The following THBS4 variants were observed in gnomAD, a reference collection of about 807,000 sequenced individuals.
THBS4 encodes thrombospondin 4.
A neutral mutation model predicts 115.7 loss-of-function variants in THBS4; 90 were observed. The ratio of observed to expected loss-of-function variants is 0.78; its 90% CI spans 0.66 to 0.93. The LOEUF (loss-of-function observed/expected upper bound fraction) is 0.93. Ranked by LOEUF, THBS4 falls within the 40% of genes least tolerant of loss-of-function variation. The pLI, the probability that THBS4 is intolerant of heterozygous loss-of-function variation, is 0.00. For missense variants in THBS4, 1,087 were observed against 1,232.7 expected (o/e 0.88, Z 1.77); for synonymous variants, 460 against 479.3 (o/e 0.96, Z 0.53).
intron 14 of THBS4, 165 bp downstream of exon 14, chr5:80,072,561 T>G (rs1006283487): frequency 1.5e-6 from 1 of 671,756 alleles, no homozygotes; most frequent in African/African-American, 1.8e-5. Context: ...GATGGTGGGA[T>G]GAACACCACA....
In THBS4 at chr5:80,008,421, T is replaced by A. The variant is rs189010139; in HGVS notation, n.177+9994T>A. Among the ~76,000 whole-genome samples the A allele has an allele frequency of 5.8e-3, 878 of 152,276 alleles. 6 individuals are homozygous for A. Among genetic ancestry groups the A allele is most frequent in the African/African-American group, 0.02 (833 of 41,548 alleles). The stretch of plus-strand genomic sequence containing the variant: ...GGCTTCCCACATTATTGTTTTTTTT[T>A]AATTTTGTTTTGAGATGGAGTCTCA... On this transcript the variant is annotated intron_variant and non_coding_transcript_variant, in intron 2 of 3. Coordinates refer to the THBS4 transcript ENST00000510218.
chr5:80,050,375 G>T (rs1833216155), intron 2 of THBS4, among the ~76,000 whole-genome samples: 2 of 152,246 alleles, frequency 1.3e-5, no homozygotes, highest in South Asian at 4.1e-4. Context: ...GATTGGTCAG[G>T]CTGGAAATGA....
chr5:80,002,441 A>T (rs1218162850), intron 2 of THBS4, among the ~76,000 whole-genome samples: 1 of 152,126 alleles, frequency 6.6e-6, no homozygotes, highest in African/African-American at 2.4e-5. Flanking sequence ...TCCCAAAAAG[A>T]AACAGGAGAC....
chr5:79,992,272 CTT>C (rs1352001228), intron 1 of THBS4, among the ~76,000 whole-genome samples: 1 of 152,126 alleles, frequency 6.6e-6, no homozygotes, highest in Non-Finnish European at 1.5e-5. Flanking sequence ...GGTGCTGGGT[CTT>C]TTTTCTAGAA....
At chr5:80,069,068 C>G (rs146086629) in intron 10 of THBS4, among the ~76,000 whole-genome samples, 11 of 152,324 alleles carry the variant, frequency 7.2e-5, no homozygotes, top group African/African-American at 1.9e-4. Context: ...TCAGCTGCCC[C>G]CCTCCTCTGC....
chr5:80,018,763 A>G (rs1225828678), intron 2 of THBS4, among the ~76,000 whole-genome samples: 1 of 152,128 alleles, frequency 6.6e-6, no homozygotes, highest in Non-Finnish European at 1.5e-5. Context: ...TTTATTTCTT[A>G]AAGCATATTA....
At chr5:80,071,847 C>T in intron 13 of THBS4, 1 of 176,260 alleles carries the variant, frequency 5.7e-6, no homozygotes, top group Admixed American at 5.4e-5. Context: ...GCATTGTCCT[C>T]ATTGCTGATT....
At chr5:80,036,267 T>C in intron 1 of THBS4, 1 of 913,140 alleles carries the variant, frequency 1.1e-6, no homozygotes, top group Non-Finnish European at 1.3e-6. Context: ...TTTTCCTAAG[T>C]GGATTAAGGC....
chr5:80,072,341 G>A lies in THBS4; in HGVS notation c.1784G>A (p.Gly595Asp), dbSNP rs771610851. ...AATCGTGACCAACGGGACAAGGATG[G>A]TGATGGTGTGGGGGATGCCTGTGAC... ...FPNRDQRDKD[G>D]DGVGDACDSC... The change falls in exon 14 of 22, where the codon GGT becomes GAT. Residue 595 changes from glycine to aspartate, a missense_variant. Transcript: ENST00000350881. 34 of 1,614,192 alleles carry A rather than the reference G, an allele frequency of 2.1e-5. No individual in the cohort carries two copies. The highest frequency in any genetic ancestry group is 2.9e-5 in the Non-Finnish European group (34 of 1,180,026).
intron 1 of THBS4, chr5:80,036,018 C>G (rs1278647104): frequency 4.0e-6 from 4 of 1,003,500 alleles, no homozygotes; most frequent in Non-Finnish European, 3.6e-6. Flanking sequence ...AATCCTTCCT[C>G]AGGCGGAGCG....
intron 2 of THBS4, among the ~76,000 whole-genome samples, chr5:80,014,199 T>G (rs1832203329): frequency 6.6e-6 from 1 of 152,218 alleles, no homozygotes; most frequent in Non-Finnish European, 1.5e-5. Context: ...AGGAAAGAGA[T>G]AACGTCTCAA....
intron 2 of THBS4, among the ~76,000 whole-genome samples, chr5:80,016,155 A>G (rs547439144): frequency 3.0e-4 from 45 of 152,320 alleles, no homozygotes; most frequent in South Asian, 8.3e-4. Context: ...TGACTCACCA[A>G]TTCCCTTTCT....
At position 80,083,081 on chromosome 5, in the gene THBS4, C is replaced by T; in HGVS notation, c.2826C>T (p.Asp942=). ...IWSNLKYRCN[D]TIPEDFQEFQ... is the part of the protein sequence containing the mutation. ...TCCCTGTGCCCATTCCTATTGCAGA[C>T]ACCATCCCTGAGGACTTCCAAGAGT... The change falls in exon 22 of 22, where the codon GAC becomes GAT. Residue 942 remains aspartate, a splice_region_variant and synonymous_variant. Transcript: ENST00000350881. The T allele has an allele frequency of 6.2e-7, 1 of 1,613,928 alleles. No homozygotes were observed. The highest frequency in any genetic ancestry group is 1.1e-5 in the South Asian group (1 of 91,078).
chr5:80,045,601 G>GCTCA (rs1833038887), intron 2 of THBS4, among the ~76,000 whole-genome samples: 2 of 150,910 alleles, frequency 1.3e-5, no homozygotes, highest in Admixed American at 1.3e-4. Context: ...CGCGATCTTG[G>GCTCA]CTCACTGCAA....
chr5:80,057,648 C>G (rs561480518), intron 3 of THBS4, among the ~76,000 whole-genome samples: 1 of 152,122 alleles, frequency 6.6e-6, no homozygotes, highest in African/African-American at 2.4e-5. Flanking sequence ...TGATTGCAAG[C>G]AGCATTCACA....
intron 2 of THBS4, among the ~76,000 whole-genome samples, chr5:79,999,660 C>T (rs1369322484): frequency 1.3e-5 from 2 of 152,152 alleles, no homozygotes; most frequent in African/African-American, 4.8e-5. Context: ...AGGAAAGATT[C>T]ATTATTGGAG....
At chr5:80,052,906 G>T (rs1833298291) in intron 2 of THBS4, 5 of 152,232 alleles carry the variant, frequency 3.3e-5, no homozygotes, top group Admixed American at 3.3e-4. Flanking sequence ...AGGTACCTGA[G>T]GAGAAAGATG....
rs1358256574 is a variant in THBS4 at position 80,059,852 on chromosome 5, C to T, written c.934C>T (p.Pro312Ser). The T allele has an allele frequency of 6.2e-7, 1 of 1,613,680 alleles. No individual in the cohort carries two copies. Among genetic ancestry groups the T allele is most frequent in the Non-Finnish European group, 8.5e-7 (1 of 1,179,924 alleles). ...TDSRDGFQCG[P>S]CPEGYTGNGI... ...CAGTAGAGATGGCTTCCAGTGTGGG[C>T]CCTGCCCCGAGGGCTACACAGGAAA... Residue 312 changes from proline to serine, a missense_variant, in exon 7 of 22, where the codon CCC becomes TCC. Transcript: ENST00000350881.
chr5:79,992,438 C>T (rs975674687), intron 1 of THBS4, among the ~76,000 whole-genome samples: 1 of 152,188 alleles, frequency 6.6e-6, no homozygotes, highest in African/African-American at 2.4e-5. Flanking sequence ...GCTAGGCACT[C>T]CCTTACTGTT....
Sources: allele counts gnomAD v4.1 joint callset (sites outside exome capture counted in the v4.1 genomes callset), GRCh38; gene constraint gnomAD v4.1.1; transcripts MANE v1.5; gene names NCBI Gene and HGNC (gene_info 2026-07-23, HGNC 2026-07-21).